SLC22A5: variants seen among roughly 807,000 people sequenced by gnomAD.
SLC22A5 encodes solute carrier family 22 member 5.
A neutral mutation model predicts 56.7 loss-of-function variants in SLC22A5; 44 were observed. The observed-to-expected ratio is 0.78, with a 90% confidence interval of 0.61 to 1.00. SLC22A5 has a LOEUF of 1.00. Ranked by LOEUF, SLC22A5 falls within the 50% of genes least tolerant of loss-of-function variation. The pLI is 0.00. For missense variants in SLC22A5, 675 were observed against 723.0 expected (o/e 0.93, Z 0.76); for synonymous variants, 278 against 292.1 (o/e 0.95, Z 0.49).
At chr5:132,393,148 T>TC (rs78278750) in intron 8 of SLC22A5, among the ~76,000 whole-genome samples, 150,435 of 152,260 alleles carry the variant, frequency 0.99, 74,344 homozygotes, top group Middle Eastern at 1. Flanking sequence ...ACCTGTGGTT[T>TC]CCTGCACATC....
Position 132,387,045 on chromosome 5 carries a change from G to C in SLC22A5, c.845G>C (p.Arg282Pro), listed in dbSNP as rs386134210. 2 of 1,614,090 alleles carry C rather than the reference G, an allele frequency of 1.2e-6. No homozygotes were observed. Among genetic ancestry groups the C allele is most frequent in the African/African-American group, 1.3e-5 (1 of 75,018 alleles). Reference sequence around the variant, plus strand: ...GCCAGGTTCATCCCTGAGTCCCCCCGATGGCTCATCTCTCAGGGACGATTT... The same window carrying C: ...GCCAGGTTCATCCCTGAGTCCCCCCCATGGCTCATCTCTCAGGGACGATTT... ...ALWWFIPESP[R>P]WLISQGRFEE... is the part of the protein sequence containing the mutation. Residue 282 changes from arginine (R) to proline (P), a missense_variant, in exon 5 of 10, where the codon CGA becomes CCA. Coordinates refer to ENST00000245407, the MANE Select transcript of SLC22A5 (RefSeq NM_003060.4).
intron 8 of SLC22A5, among the ~76,000 whole-genome samples, chr5:132,392,872 G>T (rs1396034007): frequency 6.6e-6 from 1 of 152,170 alleles, no homozygotes; most frequent in Non-Finnish European, 1.5e-5. Context: ...GCCATCCCAG[G>T]CCTTCCATCA....
At chr5:132,375,461 G>A (rs1370489867) in intron 1 of SLC22A5, among the ~76,000 whole-genome samples, 1 of 152,168 alleles carries the variant, frequency 6.6e-6, no homozygotes, top group African/African-American at 2.4e-5. Flanking sequence ...AAGAACTTCT[G>A]TCTTAGGGGC....
At position 132,370,186 on chromosome 5, in the gene SLC22A5, C is replaced by T; in HGVS notation, c.214C>T (p.Arg72Trp). ...CAACCACACTGTCCCACTGCGGCTG[C>T]GGGACGGCCGCGAGGTGCCCCACAG... ...WRNHTVPLRL[R>W]DGREVPHSCR... The change falls in exon 1 of 10, where the codon CGG becomes TGG. Residue 72 changes from arginine (R) to tryptophan (W), a missense_variant. Coordinates refer to ENST00000245407, the MANE Select transcript of SLC22A5 (RefSeq NM_003060.4). 1.3e-6 allele frequency: 2 copies of T among 1,596,802 alleles called. No homozygotes were observed.
intron 1 of SLC22A5, among the ~76,000 whole-genome samples, chr5:132,374,648 T>A (rs1260675981): frequency 6.6e-6 from 1 of 151,964 alleles, no homozygotes; most frequent in Non-Finnish European, 1.5e-5. Context: ...ACGTACATAG[T>A]AGACACATCT....
At chr5:132,375,777 AG>A (rs1398272766) in intron 1 of SLC22A5, among the ~76,000 whole-genome samples, 4 of 152,230 alleles carry the variant, frequency 2.6e-5, no homozygotes. Context: ...GCCCTTTGCC[AG>A]AGTTGCTCCC....
At chr5:132,371,186 C>T (rs1160687866) in intron 1 of SLC22A5, among the ~76,000 whole-genome samples, 1 of 152,060 alleles carries the variant, frequency 6.6e-6, no homozygotes, top group Non-Finnish European at 1.5e-5. Context: ...AGGATGGTCT[C>T]GATCTCTTGA....
chr5:132,387,728 C>T (rs1302017830), intron 5 of SLC22A5: 1 of 181,312 alleles, frequency 5.5e-6, no homozygotes, highest in African/African-American at 2.4e-5. Context: ...CCTACCCCAC[C>T]CCTCCCGTCA....
Position 132,378,416 on chromosome 5 carries a change from C to T in SLC22A5, c.432C>T (p.Leu144=). Residue 144 remains leucine, a synonymous_variant, in exon 2 of 10, where the codon CTC becomes CTT. Transcript: ENST00000245407. ...GTGAGGACGACTGGAAGGCCCCACT[C>T]ACAATCTCCTTGTTCTTCGTGGGTG... ...LVCEDDWKAP[L]TISLFFVGVL... 2 of 1,614,244 alleles carry T rather than the reference C, an allele frequency of 1.2e-6. No individual in the cohort carries two copies. Among genetic ancestry groups the T allele is most frequent in the African/African-American group, 1.3e-5 (1 of 75,068 alleles).
At chr5:132,389,876 G>C (rs2126788923) in intron 6 of SLC22A5, 1 of 154,778 alleles carries the variant, frequency 6.5e-6, no homozygotes, top group East Asian at 1.9e-4. Flanking sequence ...ATGCAAGCCT[G>C]TGATGAGTCA....
chr5:132,394,109 C>A, intron 9 of SLC22A5, 76 bp from the exon 10 acceptor site: 1 of 983,348 alleles, frequency 1.0e-6, no homozygotes, highest in Middle Eastern at 2.1e-4. Context: ...AAGATATCCT[C>A]AGTTCTTGTT....
Position 132,370,047 on chromosome 5 carries a change from C to T in SLC22A5, c.75C>T (p.Leu25=), listed in dbSNP as rs144054688. Residue 25 remains leucine (L), a synonymous_variant, in exon 1 of 10, where the codon CTC becomes CTT. Transcript: ENST00000245407. ...TCCAGCGCCTCATCTTCTTCCTGCTCAGCGCCAGCATCATCCCCAATGGCT... is the reference window on the plus strand; with the variant it reads ...TCCAGCGCCTCATCTTCTTCCTGCTTAGCGCCAGCATCATCCCCAATGGCT... ...GPFQRLIFFL[L]SASIIPNGFT... 9.1e-5 allele frequency: 147 copies of T among 1,613,392 alleles called. No homozygotes were observed. In the African/African-American group the frequency reaches 1.7e-3, roughly 19 times the overall value.
intron 2 of SLC22A5, chr5:132,380,924 G>A (rs1390361628): frequency 6.6e-6 from 1 of 151,906 alleles, no homozygotes; most frequent in African/African-American, 2.4e-5. Flanking sequence ...GGTTGCCTGG[G>A]GAGAGGGGAG....
chr5:132,379,373 A>C (rs1752268932), intron 2 of SLC22A5: 1 of 152,304 alleles, frequency 6.6e-6, no homozygotes, highest in Non-Finnish European at 1.5e-5. Flanking sequence ...AAGGAGTCCC[A>C]GCATCTTCCC....
At position 132,394,309 on chromosome 5, in the gene SLC22A5, A is replaced by G; in HGVS notation, c.*37A>G. 1.4e-6 allele frequency: 2 copies of G among 1,468,518 alleles called. No individual in the cohort carries two copies. The highest frequency in any genetic ancestry group is 1.9e-6 in the Non-Finnish European group (2 of 1,047,276). 91.0% of individuals were successfully genotyped at this position (1,468,518 alleles called of 1,614,324 possible). ...GTAAGGGAGAAACTGAAGAGGAAAG[A>G]CTGTCTTGCCAGAAATGGCCAGCTT... On this transcript the variant is annotated 3_prime_UTR_variant, in exon 10 of 10. Coordinates refer to ENST00000245407, the MANE Select transcript of SLC22A5 (RefSeq NM_003060.4).
chr5:132,389,124 G>A (rs1007206265), intron 6 of SLC22A5, 103 bp downstream of exon 6: 2 of 756,350 alleles, frequency 2.6e-6, no homozygotes. Context: ...CAAAGCCTAT[G>A]TCATCAGAGA....
At chr5:132,377,802 A>C in intron 1 of SLC22A5, 2 of 240,988 alleles carry the variant, frequency 8.3e-6, no homozygotes, top group Non-Finnish European at 1.6e-5. Flanking sequence ...AATTGAGCCT[A>C]GTATAGTTGG....
intron 1 of SLC22A5, among the ~76,000 whole-genome samples, chr5:132,371,067 C>T (rs1357727076): frequency 6.6e-6 from 1 of 151,266 alleles, no homozygotes; most frequent in African/African-American, 2.4e-5. Flanking sequence ...GCAATCTTCG[C>T]CTTCCGGGCT....
At chr5:132,390,450 ACTGTCTATATGGAAGG>A in intron 6 of SLC22A5, 1 of 573,440 alleles carries the variant, frequency 1.7e-6, no homozygotes. Context: ...TTGCTGGGAC[ACTGTCTATATGGAAGG>A]CTCTGAGAGC....
Sources: allele counts gnomAD v4.1 joint callset (sites outside exome capture counted in the v4.1 genomes callset), GRCh38; gene constraint gnomAD v4.1.1; transcripts MANE v1.5; gene names NCBI Gene and HGNC (gene_info 2026-07-23, HGNC 2026-07-21).